The following SCAPER variants were observed in gnomAD, a reference collection of about 807,000 sequenced individuals.
SCAPER encodes the protein S-phase cyclin A associated protein in the ER, also known as S phase cyclin A-associated protein in the endoplasmic reticulum.
A neutral mutation model predicts 182.2 loss-of-function variants in SCAPER; 98 were observed. The ratio of observed to expected loss-of-function variants is 0.54; its 90% confidence interval spans 0.46 to 0.64. The LOEUF (loss-of-function observed/expected upper bound fraction) is 0.64, where lower values mean the gene tolerates loss of function less well. Ranked by LOEUF, SCAPER falls within the 30% of genes least tolerant of loss-of-function variation. The probability of loss-of-function intolerance (pLI) is 0.00; values close to 1 mark genes in which losing one functional copy is unlikely to be tolerated. For missense variants in SCAPER, 1,432 were observed against 1,690.0 expected, an observed-to-expected ratio of 0.85 and a Z score of 2.68; for synonymous variants, 605 against 564.6, an observed-to-expected ratio of 1.07 and a Z score of -1.01.
intron 23 of SCAPER, among the ~76,000 whole-genome samples, chr15:76,572,780 T>C (rs2047519779): frequency 6.6e-6 from 1 of 152,138 alleles, no homozygotes; most frequent in African/African-American, 2.4e-5. Context: ...ACAAGTTCTC[T>C]AGGCAATTCC....
intron 1 of SCAPER, among the ~76,000 whole-genome samples, chr15:76,894,563 A>G (rs2074328188): frequency 6.6e-6 from 1 of 152,166 alleles, no homozygotes; most frequent in South Asian, 2.1e-4. Flanking sequence ...CAGAGCAAAA[A>G]TCAATGAAAT....
At chr15:76,469,693 A>C (rs1214209426) in intron 25 of SCAPER, among the ~76,000 whole-genome samples, 2 of 152,100 alleles carry the variant, frequency 1.3e-5, no homozygotes, top group African/African-American at 4.8e-5. Context: ...TGGCTTTCTG[A>C]CTTAATATCT....
chr15:76,546,129 C>T (rs992944033), intron 23 of SCAPER, among the ~76,000 whole-genome samples: 1 of 152,126 alleles, frequency 6.6e-6, no homozygotes. Context: ...TGGTAGAGTA[C>T]TGCTTACCAG....
intron 21 of SCAPER, among the ~76,000 whole-genome samples, chr15:76,659,888 T>C (rs922157683): frequency 2.6e-5 from 4 of 152,210 alleles, no homozygotes; most frequent in African/African-American, 4.8e-5. Context: ...AATTCCATTA[T>C]TGGGTATATA....
chr15:76,828,206 A>G (rs1303427915), intron 5 of SCAPER, among the ~76,000 whole-genome samples: 1 of 150,992 alleles, frequency 6.6e-6, no homozygotes, highest in East Asian at 1.9e-4. Context: ...CTTTATAAAG[A>G]TAAGATTTGT....
chr15:76,395,366 C>T (rs1427003371), intron 27 of SCAPER, among the ~76,000 whole-genome samples: 1 of 152,152 alleles, frequency 6.6e-6, no homozygotes, highest in East Asian at 1.9e-4. Flanking sequence ...ATATACCCAG[C>T]AGTGGGATTG....
intron 17 of SCAPER, among the ~76,000 whole-genome samples, chr15:76,706,658 T>A (rs750996089): frequency 1.3e-5 from 2 of 152,208 alleles, no homozygotes; most frequent in Non-Finnish European, 2.9e-5. Flanking sequence ...AGAAGGCAAA[T>A]TGGAGGTGAG....
intron 17 of SCAPER, among the ~76,000 whole-genome samples, chr15:76,718,652 AAAAAAC>A (rs1269716917): frequency 1.3e-5 from 2 of 151,942 alleles, no homozygotes; most frequent in Non-Finnish European, 2.9e-5. Flanking sequence ...AAAAGGAAAA[AAAAAAC>A]AAAAACAAAA....
At chr15:76,795,251 C>A (rs1162277297) in intron 8 of SCAPER, 29 bp downstream of exon 8, 1 of 1,597,124 alleles carries the variant, frequency 6.3e-7, no homozygotes, top group South Asian at 1.1e-5. Context: ...CTGTTTACTA[C>A]ACAAAATGGC....
chr15:76,420,956 T>C (rs960100287), intron 26 of SCAPER, among the ~76,000 whole-genome samples: 52 of 152,348 alleles, frequency 3.4e-4, no homozygotes, highest in Non-Finnish European at 4.8e-4. Context: ...GAACTCATCC[T>C]TTTTTATGGC....
intron 20 of SCAPER, among the ~76,000 whole-genome samples, chr15:76,684,341 T>C (rs1481194378): frequency 6.6e-6 from 1 of 152,206 alleles, no homozygotes; most frequent in Non-Finnish European, 1.5e-5. Context: ...GACACCCATA[T>C]GCTCAATGTA....
At chr15:76,838,108 C>G (rs935636679) in intron 5 of SCAPER, among the ~76,000 whole-genome samples, 4 of 152,152 alleles carry the variant, frequency 2.6e-5, no homozygotes, top group Non-Finnish European at 5.9e-5. Flanking sequence ...CACATATGTT[C>G]ACTGCAGCAC....
chr15:76,603,303 T>C (rs997988572), intron 22 of SCAPER, among the ~76,000 whole-genome samples: 1 of 119,976 alleles, frequency 8.3e-6, no homozygotes, highest in African/African-American at 2.5e-5. Context: ...GTCCTTGCGA[T>C]AGTTTGCTGA....
intron 25 of SCAPER, among the ~76,000 whole-genome samples, chr15:76,442,492 A>T (rs2047684667): frequency 6.6e-6 from 1 of 152,210 alleles, no homozygotes; most frequent in African/African-American, 2.4e-5. Context: ...AGTCTCTCTC[A>T]TTCTATCTCA....
chr15:76,539,943 A>G (rs901452978), intron 23 of SCAPER, among the ~76,000 whole-genome samples: 1 of 152,228 alleles, frequency 6.6e-6, no homozygotes, highest in Non-Finnish European at 1.5e-5. Context: ...TGAAACACTG[A>G]AACAGCAAAA....
chr15:76,438,185 G>A (rs189589495), intron 25 of SCAPER, among the ~76,000 whole-genome samples: 135 of 151,234 alleles, frequency 8.9e-4, no homozygotes, highest in Non-Finnish European at 1.6e-3. Flanking sequence ...GGGAGGCTGA[G>A]GCAGGAGAAT....
At chr15:76,420,794 C>T (rs1038867593) in intron 26 of SCAPER, among the ~76,000 whole-genome samples, 6 of 152,128 alleles carry the variant, frequency 3.9e-5, no homozygotes, top group South Asian at 2.1e-4. Context: ...TGACAGGCCC[C>T]GGTGTGTGAT....
intron 23 of SCAPER, among the ~76,000 whole-genome samples, chr15:76,512,844 T>C (rs2042146990): frequency 7.0e-6 from 1 of 143,126 alleles, no homozygotes; most frequent in African/African-American, 2.6e-5. Context: ...AAGTTTCAGT[T>C]TATTATTTGC....
intron 23 of SCAPER, among the ~76,000 whole-genome samples, chr15:76,531,779 A>G (rs1048471943): frequency 1.3e-5 from 2 of 152,162 alleles, no homozygotes; most frequent in Non-Finnish European, 2.9e-5. Context: ...GGTGGCCTTG[A>G]GCATCCTATG....
Sources: gnomAD v4.1 joint callset for allele counts (sites outside exome capture counted in the v4.1 genomes callset) on GRCh38, gnomAD v4.1.1 for gene constraint, MANE v1.5 for transcripts, NCBI Gene and HGNC (gene_info 2026-07-23, HGNC 2026-07-21) for gene names.